The following MAGI2 variants were observed in gnomAD, a reference collection of about 807,000 sequenced individuals.
MAGI2 encodes the protein membrane associated guanylate kinase, WW and PDZ domain containing 2.
MAGI2 carries 35 observed loss-of-function variants against 133.3 expected under a neutral mutation model. That is an observed-to-expected ratio of 0.26 (90% CI 0.20 to 0.35). MAGI2 has a LOEUF of 0.35. Among genes scored for constraint, MAGI2 ranks in the 10% least tolerant of loss-of-function variants. MAGI2 has a pLI of 1.00. For synonymous variants in MAGI2, 729 were observed against 710.6 expected (o/e 1.03, Z -0.41); for missense variants, 1,636 against 1,863.4 (o/e 0.88, Z 2.25).
chr7:78,892,931 A>G (rs991739657), intron 2 of MAGI2, among the ~76,000 whole-genome samples: 2 of 152,358 alleles, frequency 1.3e-5, no homozygotes, highest in East Asian at 1.9e-4. Flanking sequence ...CTACCATCAG[A>G]GTGAACAGGC....
chr7:79,443,647 A>C (rs1033703453), intron 1 of MAGI2, among the ~76,000 whole-genome samples: 1 of 152,256 alleles, frequency 6.6e-6, no homozygotes, highest in Middle Eastern at 3.4e-3. Context: ...AAATGTATGC[A>C]ATTGTTTTTG....
intron 2 of MAGI2, among the ~76,000 whole-genome samples, chr7:78,899,049 T>C (rs1447784723): frequency 3.9e-5 from 6 of 152,170 alleles, no homozygotes. Flanking sequence ...TTTTTTCTTC[T>C]GGAGAGCTGG....
chr7:78,880,659 C>G (rs969720391), intron 2 of MAGI2, among the ~76,000 whole-genome samples: 5 of 152,150 alleles, frequency 3.3e-5, no homozygotes, highest in Admixed American at 3.3e-4. Flanking sequence ...TATAAAGCAA[C>G]TACACAATGT....
At chr7:78,464,924 C>A (rs1033150965) in intron 6 of MAGI2, among the ~76,000 whole-genome samples, 5 of 151,968 alleles carry the variant, frequency 3.3e-5, no homozygotes, top group Non-Finnish European at 7.4e-5. Context: ...TTGCTATCAA[C>A]CCTCAGGAAT....
At chr7:78,411,263 A>G (rs1259789140) in intron 6 of MAGI2, among the ~76,000 whole-genome samples, 1 of 152,018 alleles carries the variant, frequency 6.6e-6, no homozygotes, top group African/African-American at 2.4e-5. Context: ...TTCACTTTAC[A>G]TTATGCAGTA....
At chr7:79,132,736 G>C (rs1452213188) in intron 1 of MAGI2, among the ~76,000 whole-genome samples, 2 of 151,978 alleles carry the variant, frequency 1.3e-5, no homozygotes, top group African/African-American at 4.8e-5. Flanking sequence ...TTGTTTTTCA[G>C]AGAGGTTTTA....
intron 12 of MAGI2, among the ~76,000 whole-genome samples, chr7:78,189,225 C>G (rs1827985581): frequency 6.6e-6 from 1 of 152,130 alleles, no homozygotes; most frequent in African/African-American, 2.4e-5. Context: ...AACAAAAGAG[C>G]AGGACAACAG....
At chr7:78,871,295 G>A (rs942206374) in intron 2 of MAGI2, among the ~76,000 whole-genome samples, 1 of 152,008 alleles carries the variant, frequency 6.6e-6, no homozygotes, top group African/African-American at 2.4e-5. Flanking sequence ...GGGGGACAGA[G>A]CGAGACTCCA....
intron 2 of MAGI2, among the ~76,000 whole-genome samples, chr7:78,985,330 G>A (rs545544544): frequency 6.6e-6 from 1 of 152,076 alleles, no homozygotes; most frequent in African/African-American, 2.4e-5. Flanking sequence ...TCATCAACTA[G>A]AAGTATCAAA....
chr7:78,119,730 G>C (rs1405994508), intron 20 of MAGI2, among the ~76,000 whole-genome samples: 2 of 151,934 alleles, frequency 1.3e-5, no homozygotes, highest in Non-Finnish European at 1.5e-5. Context: ...TGTGGGGCAG[G>C]GAGTATAAGG....
chr7:78,160,897 C>T (rs987619146), intron 15 of MAGI2, among the ~76,000 whole-genome samples: 1 of 152,228 alleles, frequency 6.6e-6, no homozygotes, highest in East Asian at 1.9e-4. Context: ...ATTCTGCTAG[C>T]CTAGAAGTAT....
chr7:78,723,429 A>C (rs112252087), intron 2 of MAGI2, among the ~76,000 whole-genome samples: 8,182 of 152,286 alleles, frequency 0.054, 268 homozygotes, highest in Non-Finnish European at 0.069. Context: ...GTGATTCTGA[A>C]ACAAGTAAGC....
chr7:79,077,530 G>T (rs1039819354), intron 1 of MAGI2, among the ~76,000 whole-genome samples: 1 of 128,132 alleles, frequency 7.8e-6, no homozygotes, highest in Middle Eastern at 5.4e-3. Flanking sequence ...AGCCGAGATT[G>T]TGCCACTGCA....
At chr7:78,541,158 G>C (rs1798385907) in intron 3 of MAGI2, among the ~76,000 whole-genome samples, 1 of 151,918 alleles carries the variant, frequency 6.6e-6, no homozygotes, top group Non-Finnish European at 1.5e-5. Context: ...TTCTTTATGA[G>C]ATGCTGTGGG....
chr7:78,664,097 G>A (rs1813276115), intron 2 of MAGI2, among the ~76,000 whole-genome samples: 1 of 152,148 alleles, frequency 6.6e-6, no homozygotes, highest in African/African-American at 2.4e-5. Context: ...ACCAGAGAGT[G>A]TCTATTTAGT....
intron 9 of MAGI2, among the ~76,000 whole-genome samples, chr7:78,341,207 C>T (rs1232887644): frequency 1.3e-5 from 2 of 152,072 alleles, no homozygotes; most frequent in African/African-American, 4.8e-5. Flanking sequence ...AACTCCCATT[C>T]AAAACTGCTA....
chr7:79,232,718 ATT>A (rs1831487059), intron 1 of MAGI2, among the ~76,000 whole-genome samples: 1 of 129,302 alleles, frequency 7.7e-6, no homozygotes, highest in African/African-American at 3.1e-5. Flanking sequence ...CGGTCTATCA[ATT>A]TTGTTGATCC....
intron 2 of MAGI2, among the ~76,000 whole-genome samples, chr7:78,663,697 A>T (rs1010289701): frequency 5.3e-5 from 8 of 152,208 alleles, no homozygotes; most frequent in African/African-American, 1.7e-4. Flanking sequence ...CACTGATTCA[A>T]TGGAAGGAAA....
rs190556092 is a variant in MAGI2 at position 78,822,749 on chromosome 7, A to C, written c.418+184341T>G. Among the ~76,000 whole-genome samples the C allele has an allele frequency of 1.5e-3, 231 of 152,304 alleles. 1 individual carries two copies. The highest frequency in any genetic ancestry group is 1.8e-3 in the Non-Finnish European group (121 of 68,010). ...AGCATGCCTGAAGTATTCAGTGAAC[A>C]AGAACAAAAGCTATTAAAATCAGAG... On this transcript the variant is annotated intron_variant, in intron 2 of 21. Transcript: ENST00000354212.
Sources: allele counts gnomAD v4.1 joint callset (sites outside exome capture counted in the v4.1 genomes callset), GRCh38; gene constraint gnomAD v4.1.1; transcripts MANE v1.5; gene names NCBI Gene and HGNC (gene_info 2026-07-23, HGNC 2026-07-21).